KHDRBS3: variants seen among roughly 807,000 people sequenced by gnomAD.
KHDRBS3 encodes KH domain-containing, RNA-binding, signal transduction-associated protein 3.
A neutral mutation model predicts 45.6 loss-of-function variants in KHDRBS3; 23 were observed. That is an observed-to-expected ratio of 0.50 (90% CI 0.36 to 0.72). The LOEUF is 0.72. Ranked by LOEUF, KHDRBS3 falls within the 30% of genes least tolerant of loss-of-function variation. KHDRBS3 has a pLI of 0.00. For missense variants in KHDRBS3, 352 were observed against 424.8 expected (o/e 0.83, Z 1.51); for synonymous variants, 162 against 156.5 (o/e 1.04, Z -0.26).
chr8:135,527,116 C>T (rs559220344), intron 2 of KHDRBS3, among the ~76,000 whole-genome samples: 2 of 152,180 alleles, frequency 1.3e-5, no homozygotes, highest in African/African-American at 2.4e-5. Context: ...TCAGTGGATC[C>T]GGCTCTGTCT....
Position 135,582,431 on chromosome 8 carries a change from G to A in KHDRBS3, c.807+358G>A, listed in dbSNP as rs73712075. 2.9e-3 allele frequency among the ~76,000 whole-genome samples: 442 copies of A among 152,242 alleles called. 2 individuals carry two copies. Among genetic ancestry groups the A allele is most frequent in the Middle Eastern group, 0.017 (5 of 294 alleles). On this transcript the variant is annotated intron_variant, in intron 6 of 8. Transcript: ENST00000355849. The stretch of plus-strand genomic sequence containing the variant: ...AGTCATTTAAAAAATAATTGCCTGC[G>A]TATACCAAGATGGTTTCCGCCTTAA...
chr8:135,536,546 C>T (rs933441650), intron 2 of KHDRBS3, among the ~76,000 whole-genome samples: 1 of 152,028 alleles, frequency 6.6e-6, no homozygotes, highest in Non-Finnish European at 1.5e-5. Flanking sequence ...TTAAAAAGAC[C>T]TTTCTGTTGA....
chr8:135,638,779 C>A (rs1408479133), intron 7 of KHDRBS3, among the ~76,000 whole-genome samples: 1 of 152,132 alleles, frequency 6.6e-6, no homozygotes, highest in Non-Finnish European at 1.5e-5. Flanking sequence ...GAAACCCTGT[C>A]TCTACTAAAA....
intron 1 of KHDRBS3, among the ~76,000 whole-genome samples, chr8:135,485,868 A>ATATATATATATATT (rs1563713994): frequency 7.1e-6 from 1 of 141,214 alleles, no homozygotes; most frequent in African/African-American, 2.6e-5. Context: ...ATATATATAT[A>ATATATATATATATT]TTTTATTTTT....
chr8:135,486,979 T>C (rs1015489713), intron 1 of KHDRBS3, among the ~76,000 whole-genome samples: 1 of 152,238 alleles, frequency 6.6e-6, no homozygotes, highest in Non-Finnish European at 1.5e-5. Flanking sequence ...TTTTCTCTCC[T>C]ATCAGGTATT....
downstream of KHDRBS3, among the ~76,000 whole-genome samples, chr8:135,649,782 C>G (rs1411630079): frequency 6.6e-6 from 1 of 152,054 alleles, no homozygotes; most frequent in African/African-American, 2.4e-5. Flanking sequence ...TCCTCAGGTG[C>G]TATTCAGAGT....
intron 7 of KHDRBS3, among the ~76,000 whole-genome samples, chr8:135,631,978 C>T (rs908472340): frequency 1.3e-5 from 2 of 152,170 alleles, no homozygotes; most frequent in African/African-American, 4.8e-5. Context: ...TATTTCAGCT[C>T]CATTATAAGT....
intron 7 of KHDRBS3, among the ~76,000 whole-genome samples, chr8:135,642,950 A>G (rs1831126381): frequency 6.6e-6 from 1 of 151,976 alleles, no homozygotes. Context: ...CACCACACCC[A>G]GCTAATTTTT....
intron 1 of KHDRBS3, among the ~76,000 whole-genome samples, chr8:135,511,424 C>T (rs1824276839): frequency 6.6e-6 from 1 of 152,036 alleles, no homozygotes; most frequent in Non-Finnish European, 1.5e-5. Flanking sequence ...CCTTTCTTTT[C>T]CTCCTGTCTT....
chr8:135,606,864 C>A lies in KHDRBS3; in HGVS notation c.808-91C>A, dbSNP rs946708149. On this transcript the variant is annotated intron_variant, in intron 6 of 8. Coordinates refer to ENST00000355849, the MANE Select transcript of KHDRBS3 (RefSeq NM_006558.3). ...AAGTAGACATATAATTAAATGCTAG[C>A]TGAATTAATGGAAATTCACTAAAAG... The A allele has an allele frequency of 4.4e-5, 41 of 930,698 alleles. No homozygotes were observed. The African/African-American group carries it at 5.4e-4, about 12-fold the overall frequency. 57.7% of individuals were successfully genotyped at this position (930,698 alleles called of 1,614,324 possible).
At chr8:135,590,469 T>C (rs1190511575) in intron 6 of KHDRBS3, among the ~76,000 whole-genome samples, 2 of 152,220 alleles carry the variant, frequency 1.3e-5, no homozygotes, top group Non-Finnish European at 2.9e-5. Context: ...AGCAGGTTAG[T>C]CTAAATGACG....
chr8:135,532,110 T>C (rs1825507257), intron 2 of KHDRBS3, among the ~76,000 whole-genome samples: 1 of 152,182 alleles, frequency 6.6e-6, no homozygotes, highest in African/African-American at 2.4e-5. Context: ...GGCTACTCCA[T>C]TTCATGTGAA....
chr8:135,515,768 T>C (rs1824562800), intron 1 of KHDRBS3, among the ~76,000 whole-genome samples: 1 of 152,222 alleles, frequency 6.6e-6, no homozygotes, highest in Non-Finnish European at 1.5e-5. Context: ...TCCTGGCCCC[T>C]GCATGCCATT....
intron 1 of KHDRBS3, among the ~76,000 whole-genome samples, chr8:135,508,810 G>A (rs1824134417): frequency 6.6e-6 from 1 of 152,174 alleles, no homozygotes; most frequent in Non-Finnish European, 1.5e-5. Context: ...GGACTGGTCT[G>A]TTTGGGAAGA....
At chr8:135,529,882 A>G (rs1481819886) in intron 2 of KHDRBS3, among the ~76,000 whole-genome samples, 6 of 152,014 alleles carry the variant, frequency 3.9e-5, no homozygotes, top group Non-Finnish European at 7.4e-5. Context: ...CCCTGTCTCT[A>G]CTAAAAATAC....
At chr8:135,546,196 T>A (rs1826293946) in intron 3 of KHDRBS3, among the ~76,000 whole-genome samples, 1 of 152,126 alleles carries the variant, frequency 6.6e-6, no homozygotes, top group Admixed American at 6.5e-5. Context: ...TCTGCTGTAT[T>A]ATAATCAGAT....
intron 1 of KHDRBS3, among the ~76,000 whole-genome samples, chr8:135,472,891 A>G (rs1387206348): frequency 6.6e-6 from 1 of 152,164 alleles, no homozygotes; most frequent in Non-Finnish European, 1.5e-5. Flanking sequence ...AGGACAGGGG[A>G]GGGATCCTTG....
chr8:135,581,904 C>A lies in KHDRBS3; in HGVS notation c.638C>A (p.Pro213Gln). 6.2e-7 allele frequency: 1 copy of A among 1,604,134 alleles called. No homozygotes were observed. The highest frequency in any genetic ancestry group is 8.5e-7 in the Non-Finnish European group (1 of 1,173,362). The change falls in exon 6 of 9, where the codon CCA becomes CAA. Residue 213 changes from proline (P) to glutamine (Q), a missense_variant. Pro to Gln is a moderately conservative substitution (Grantham distance 76). Transcript: ENST00000355849. ...TRGRGGVTAR[P>Q]VGVVVPRGTP... ...GGAAGGGGAGGAGTTACAGCCCGGC[C>A]AGTTGGAGTTGTAGTACCACGAGGG...
At chr8:135,528,720 T>A (rs998506324) in intron 2 of KHDRBS3, among the ~76,000 whole-genome samples, 10 of 152,186 alleles carry the variant, frequency 6.6e-5, no homozygotes, top group Admixed American at 6.5e-5. Context: ...GGCTGGGAAA[T>A]CTAAGATCAA....
Sources: allele counts gnomAD v4.1 joint callset (sites outside exome capture counted in the v4.1 genomes callset), GRCh38; gene constraint gnomAD v4.1.1; transcripts MANE v1.5; gene names NCBI Gene and HGNC (gene_info 2026-07-23, HGNC 2026-07-21).